SLC24A2: variants seen among roughly 807,000 people sequenced by gnomAD.
The protein encoded by SLC24A2 is solute carrier family 24 member 2, also known as sodium/potassium/calcium exchanger 2.
SLC24A2 carries 36 observed loss-of-function variants against 62.0 expected under a neutral mutation model. That is an observed-to-expected ratio of 0.58 (90% CI 0.44 to 0.77). The LOEUF is 0.77. SLC24A2 is among the 30% of genes least tolerant of loss of function. The pLI, the probability that SLC24A2 is intolerant of heterozygous loss-of-function variation, is 0.00. For missense variants in SLC24A2, 846 were observed against 817.9 expected, an observed-to-expected ratio of 1.03 and a Z score of -0.42; for synonymous variants, 358 against 294.0, an observed-to-expected ratio of 1.22 and a Z score of -2.23.
the SLC24A2 span, among the ~76,000 whole-genome samples, chr9:19,889,471 A>ACAGTCC: frequency 1.3e-5 from 2 of 151,378 alleles, no homozygotes; most frequent in Non-Finnish European, 2.9e-5. Context: ...GTAGTTCCAA[A>ACAGTCC]ACAGTCCATA....
At chr9:19,532,676 T>C (rs766347136) in intron 8 of SLC24A2, among the ~76,000 whole-genome samples, 1 of 152,214 alleles carries the variant, frequency 6.6e-6, no homozygotes, top group Non-Finnish European at 1.5e-5. Context: ...TTTGCGTCTT[T>C]CTAGCTGGGT....
rs545097508 is a variant in SLC24A2, at chr9:19,567,478, G to A, written c.1347+5873C>T. ...GGAGAATGGCGTGAACCCGGGAGGC[G>A]GAGCTTGCAGTGAGCCGAGATAGTG... On this transcript the variant is annotated intron_variant, in intron 7 of 10. Coordinates refer to ENST00000341998, the MANE Select transcript of SLC24A2 (RefSeq NM_020344.4). Among the ~76,000 whole-genome samples the A allele has an allele frequency of 4.4e-3, 659 of 148,696 alleles. 3 individuals carry two copies. Among genetic ancestry groups the A allele is most frequent in the African/African-American group, 0.016 (627 of 40,334 alleles).
chr9:20,113,632 G>T, the SLC24A2 span, among the ~76,000 whole-genome samples: 3 of 151,848 alleles, frequency 2.0e-5, no homozygotes, highest in Non-Finnish European at 4.4e-5. Flanking sequence ...TAACATTTTG[G>T]TATATTTGCT....
intron 2 of SLC24A2, among the ~76,000 whole-genome samples, chr9:19,781,840 A>G (rs1395424150): frequency 6.6e-6 from 1 of 152,228 alleles, no homozygotes; most frequent in Non-Finnish European, 1.5e-5. Context: ...AGTTGAGGCA[A>G]CACATGTATA....
chr9:19,512,457 T>C lies in SLC24A2; in HGVS notation c.*3696A>G, dbSNP rs1019493886. On this transcript the variant is annotated 3_prime_UTR_variant, in exon 11 of 11. Transcript: ENST00000341998. Reference sequence around the variant, plus strand: ...ATCCCTTAGTCCCTGCATATATCATTGCTCTGTCACTGCCTGACTCAGTTT... The same window carrying C: ...ATCCCTTAGTCCCTGCATATATCATCGCTCTGTCACTGCCTGACTCAGTTT... The C allele has an allele frequency of 6.6e-6, 1 of 152,256 alleles. No homozygotes were observed. The highest frequency in any genetic ancestry group is 6.5e-5 in the Admixed American group (1 of 15,286). The allele number at this position is 152,256 out of a possible 1,614,324, so 9.4% of individuals were successfully genotyped here.
chr9:19,921,878 A>G, the SLC24A2 span, among the ~76,000 whole-genome samples: 1 of 152,188 alleles, frequency 6.6e-6, no homozygotes, highest in Non-Finnish European at 1.5e-5. Context: ...ATGTGATAGG[A>G]GCAAATCACT....
chr9:19,554,737 G>A (rs1478529194), intron 7 of SLC24A2, among the ~76,000 whole-genome samples: 1 of 152,208 alleles, frequency 6.6e-6, no homozygotes, highest in African/African-American at 2.4e-5. Context: ...GCTGGCTGGA[G>A]GGGACATTTT....
intron 5 of SLC24A2, among the ~76,000 whole-genome samples, chr9:19,591,928 C>T (rs1400262439): frequency 1.3e-5 from 2 of 152,110 alleles, no homozygotes; most frequent in African/African-American, 4.8e-5. Flanking sequence ...ATTACAATGT[C>T]CTATGAAGGT....
the SLC24A2 span, among the ~76,000 whole-genome samples, chr9:20,074,053 G>C: frequency 2.0e-5 from 3 of 151,756 alleles, no homozygotes; most frequent in Non-Finnish European, 2.9e-5. Context: ...TATGAAAAAA[G>C]CAAGACAGTA....
At chr9:19,941,383 G>C in the SLC24A2 span, among the ~76,000 whole-genome samples, 1 of 152,098 alleles carries the variant, frequency 6.6e-6, no homozygotes, top group African/African-American at 2.4e-5. Flanking sequence ...ACCCTTTATG[G>C]GGTTCCATTT....
At chr9:20,005,651 A>G in the SLC24A2 span, among the ~76,000 whole-genome samples, 1 of 151,966 alleles carries the variant, frequency 6.6e-6, no homozygotes, top group Non-Finnish European at 1.5e-5. Context: ...GGGGTGGGAC[A>G]GGGTATTTCT....
intron 8 of SLC24A2, among the ~76,000 whole-genome samples, chr9:19,543,096 C>G (rs1381661408): frequency 1.3e-5 from 2 of 152,170 alleles, no homozygotes; most frequent in Admixed American, 6.5e-5. Context: ...ATTACTGCCT[C>G]AATTTCAGAA....
chr9:20,112,212 T>C, the SLC24A2 span, among the ~76,000 whole-genome samples: 1 of 152,292 alleles, frequency 6.6e-6, no homozygotes, highest in African/African-American at 2.4e-5. Flanking sequence ...ACAAGATCTC[T>C]CTGCCTGAAG....
the SLC24A2 span, among the ~76,000 whole-genome samples, chr9:20,224,542 A>T: frequency 5.5e-3 from 835 of 152,266 alleles, 18 homozygotes; most frequent in East Asian, 0.045. Context: ...ATTTGGTTAT[A>T]TCTGCTATTG....
chr9:20,209,748 A>T, the SLC24A2 span, among the ~76,000 whole-genome samples: 222 of 152,350 alleles, frequency 1.5e-3, 2 homozygotes, highest in African/African-American at 5.0e-3. Context: ...CTCAAAGTCA[A>T]ATGTGTCCAT....
intron 2 of SLC24A2, among the ~76,000 whole-genome samples, chr9:19,659,002 T>C (rs1018891918): frequency 9.9e-5 from 15 of 152,152 alleles, no homozygotes; most frequent in African/African-American, 3.6e-4. Context: ...TTGTGTCCTC[T>C]CAAAAAAGCT....
chr9:19,667,768 T>C (rs144804659), intron 2 of SLC24A2, among the ~76,000 whole-genome samples: 1 of 152,334 alleles, frequency 6.6e-6, no homozygotes, highest in African/African-American at 2.4e-5. Context: ...CAGCCTGCAC[T>C]TGGTATTCCA....
At chr9:19,706,147 T>G (rs1340041954) in intron 2 of SLC24A2, among the ~76,000 whole-genome samples, 2 of 151,638 alleles carry the variant, frequency 1.3e-5, no homozygotes, top group East Asian at 3.9e-4. Flanking sequence ...TTTAGGATAG[T>G]TAGCTCTTCT....
the SLC24A2 span, among the ~76,000 whole-genome samples, chr9:20,050,098 C>T: frequency 6.6e-6 from 1 of 151,942 alleles, no homozygotes; most frequent in South Asian, 2.1e-4. Flanking sequence ...AACTGCTCCC[C>T]ACCGCCCCAC....
Sources: allele counts gnomAD v4.1 joint callset (sites outside exome capture counted in the v4.1 genomes callset), GRCh38; gene constraint gnomAD v4.1.1; transcripts MANE v1.5; gene names NCBI Gene and HGNC (gene_info 2026-07-23, HGNC 2026-07-21).